Variants in HIPK3 observed in about 807,000 individuals in gnomAD.
The protein encoded by HIPK3 is homeodomain-interacting protein kinase 3.
A neutral mutation model predicts 124.2 loss-of-function variants in HIPK3; 47 were observed. The ratio of observed to expected loss-of-function variants is 0.38; its 90% CI spans 0.30 to 0.48. The LOEUF (loss-of-function observed/expected upper bound fraction) is 0.48. Ranked by LOEUF, HIPK3 falls within the 20% of genes least tolerant of loss-of-function variation. The pLI, the probability that HIPK3 is intolerant of heterozygous loss-of-function variation, is 0.98. For missense variants in HIPK3, 1,286 were observed against 1,454.3 expected (o/e 0.88, Z 1.88); for synonymous variants, 482 against 515.2 (o/e 0.94, Z 0.87).
chr11:33,296,296 T>C (rs1175142489), intron 2 of HIPK3, among the ~76,000 whole-genome samples: 1 of 152,214 alleles, frequency 6.6e-6, no homozygotes, highest in Non-Finnish European at 1.5e-5. Context: ...CCTTGTGCTT[T>C]TTCTGTCCAG....
At chr11:33,312,217 C>A (rs1256577883) in intron 2 of HIPK3, among the ~76,000 whole-genome samples, 3 of 152,140 alleles carry the variant, frequency 2.0e-5, no homozygotes, top group African/African-American at 4.8e-5. Context: ...AGTATCCTTC[C>A]ATTTTCTTTA....
At chr11:33,299,646 G>A (rs149814039) in intron 2 of HIPK3, among the ~76,000 whole-genome samples, 63 of 152,310 alleles carry the variant, frequency 4.1e-4, no homozygotes, top group African/African-American at 1.5e-3. Context: ...TCTCCTGTGG[G>A]TAAAACATCA....
intron 8 of HIPK3, among the ~76,000 whole-genome samples, chr11:33,342,660 G>C (rs529629928): frequency 4.6e-5 from 7 of 151,598 alleles, no homozygotes; most frequent in Admixed American, 4.0e-4. Context: ...AAGCAATTCT[G>C]CCTTAGCCTC....
At chr11:33,298,839 A>C (rs1411000068) in intron 2 of HIPK3, among the ~76,000 whole-genome samples, 1 of 152,058 alleles carries the variant, frequency 6.6e-6, no homozygotes, top group Non-Finnish European at 1.5e-5. Context: ...TGACCTATTG[A>C]CAAGTTGCTT....
chr11:33,258,453 C>T (rs1324600727), intron 1 of HIPK3: 1 of 985,252 alleles, frequency 1.0e-6, no homozygotes, highest in East Asian at 1.1e-4. Flanking sequence ...AGGGTGTCAA[C>T]TCTGGGGACG....
intron 1 of HIPK3, among the ~76,000 whole-genome samples, chr11:33,262,181 T>C (rs1398191869): frequency 2.0e-5 from 3 of 152,226 alleles, no homozygotes; most frequent in Non-Finnish European, 4.4e-5. Context: ...TCAGTACTTA[T>C]GTGGCCTACT....
chr11:33,334,802 C>G (rs957691473), intron 3 of HIPK3, among the ~76,000 whole-genome samples: 1 of 152,122 alleles, frequency 6.6e-6, no homozygotes, highest in African/African-American at 2.4e-5. Flanking sequence ...ACACAAGTGA[C>G]TAACAGATGC....
intron 1 of HIPK3, among the ~76,000 whole-genome samples, chr11:33,260,804 A>G (rs1390594958): frequency 3.9e-5 from 6 of 152,192 alleles, no homozygotes; most frequent in African/African-American, 1.2e-4. Context: ...TAGAGGACAC[A>G]GAATAACTTG....
chr11:33,285,575 AAAAATAT>A (rs1565063156), intron 1 of HIPK3, among the ~76,000 whole-genome samples: 14 of 146,570 alleles, frequency 9.6e-5, no homozygotes, highest in South Asian at 2.1e-4. Flanking sequence ...CTCAAAAAAA[AAAAATAT>A]ATATATATAT....
intron 8 of HIPK3, among the ~76,000 whole-genome samples, chr11:33,344,625 A>G (rs947274736): frequency 6.6e-6 from 1 of 152,230 alleles, no homozygotes; most frequent in Non-Finnish European, 1.5e-5. Flanking sequence ...ATCGAAGGAA[A>G]AGAATTACTG....
At chr11:33,313,351 A>G (rs1852403200) in intron 2 of HIPK3, among the ~76,000 whole-genome samples, 1 of 152,216 alleles carries the variant, frequency 6.6e-6, no homozygotes, top group African/African-American at 2.4e-5. Context: ...AGTTGGCAAC[A>G]TTGAATTGTA....
chr11:33,271,462 AG>A (rs1851122533), intron 1 of HIPK3, among the ~76,000 whole-genome samples: 1 of 152,156 alleles, frequency 6.6e-6, no homozygotes, highest in Admixed American at 6.5e-5. Flanking sequence ...GCTACCAGGG[AG>A]GTTGAAGTGA....
chr11:33,352,456 C>G (rs1238168202), intron 16 of HIPK3, among the ~76,000 whole-genome samples, 191 bp downstream of exon 16: 1 of 152,168 alleles, frequency 6.6e-6, no homozygotes, highest in Non-Finnish European at 1.5e-5. Flanking sequence ...AACTTGTAGC[C>G]TTTTTCAGAA....
At chr11:33,292,759 G>A (rs1176786327) in intron 2 of HIPK3, among the ~76,000 whole-genome samples, 1 of 151,936 alleles carries the variant, frequency 6.6e-6, no homozygotes, top group African/African-American at 2.4e-5. Flanking sequence ...TTTTTAAGAT[G>A]GAGTCTCGCT....
chr11:33,347,509 A>G, intron 9 of HIPK3, 95 bp downstream of exon 9: 1 of 1,576,700 alleles, frequency 6.3e-7, no homozygotes, highest in African/African-American at 1.4e-5. Context: ...TTTGTAGGTT[A>G]TGGACTTTAA....
intron 1 of HIPK3, among the ~76,000 whole-genome samples, chr11:33,268,790 A>G (rs1270712426): frequency 1.3e-5 from 2 of 152,054 alleles, no homozygotes; most frequent in Admixed American, 6.6e-5. Context: ...TCCTTAAAGT[A>G]TCTCAAAATC....
At chr11:33,347,018 C>T (rs1471341188) in intron 8 of HIPK3, among the ~76,000 whole-genome samples, 1 of 151,982 alleles carries the variant, frequency 6.6e-6, no homozygotes, top group African/African-American at 2.4e-5. Context: ...GACCCTGTCT[C>T]TACCAAAAAT....
Position 33,287,417 on chromosome 11 carries a change from C to G in HIPK3, c.1003C>G (p.Arg335Gly), listed in dbSNP as rs142299107. ...GAATATTATGTTGGTGGATCCTGTT[C>G]GGCAGCCTTACAGGGTTAAAGTAAT... ...PENIMLVDPV[R>G]QPYRVKVIDF... is the part of the protein sequence containing the mutation. The change falls in exon 2 of 17, where the codon CGG (arginine) becomes GGG (glycine). Residue 335 changes from arginine (R) to glycine (G), a missense_variant. By Grantham distance (125) the Arg-to-Gly change is moderately radical (BLOSUM62 -2). Transcript: ENST00000303296. 1.2e-6 allele frequency: 2 copies of G among 1,614,076 alleles called. No homozygotes were observed. The highest frequency in any genetic ancestry group is 1.7e-6 in the Non-Finnish European group (2 of 1,180,020).
rs1181460592 is a variant in HIPK3 at position 33,356,454 on chromosome 11, A to G, written c.*2886A>G. 1 of 151,854 alleles carries G rather than the reference A, an allele frequency of 6.6e-6. No individual in the cohort carries two copies. The highest frequency in any genetic ancestry group is 6.6e-5 in the Admixed American group (1 of 15,248). The allele number at this position is 151,854 out of a possible 1,614,324, so 9.4% of individuals were successfully genotyped here. A position where few individuals can be genotyped will look rare whatever the true frequency, so the allele number is the denominator to read the frequency against. On this transcript the variant is annotated 3_prime_UTR_variant, in exon 17 of 17. Transcript: ENST00000303296. ...CATGATTTCCAAGTTGCATATTTGC[A>G]TACTATTTTAATTTGCAAAATGTTT...
Sources: allele counts gnomAD v4.1 joint callset (sites outside exome capture counted in the v4.1 genomes callset), GRCh38; gene constraint gnomAD v4.1.1; transcripts MANE v1.5; gene names NCBI Gene and HGNC (gene_info 2026-07-23, HGNC 2026-07-21).